Variants in LRRTM4 observed in about 807,000 individuals in gnomAD.
The protein encoded by LRRTM4 is leucine-rich repeat transmembrane neuronal protein 4.
Under a neutral mutation model 47.6 loss-of-function variants are expected in LRRTM4, and 25 were observed. The ratio of observed to expected loss-of-function variants is 0.53; its 90% CI spans 0.38 to 0.73. LRRTM4 has a LOEUF of 0.73. Among genes scored for constraint, LRRTM4 ranks in the 30% least tolerant of loss-of-function variants. LRRTM4 has a pLI of 0.00. For missense variants in LRRTM4, 638 were observed against 713.4 expected (o/e 0.89, Z 1.20); for synonymous variants, 311 against 269.5 (o/e 1.15, Z -1.51).
At chr2:76,907,430 G>C (rs1266279055) in intron 3 of LRRTM4, among the ~76,000 whole-genome samples, 4 of 149,674 alleles carry the variant, frequency 2.7e-5, no homozygotes, top group South Asian at 4.3e-4. Flanking sequence ...ACAATTAAAA[G>C]AACTAGAAAA....
At chr2:77,043,588 G>T in intron 3 of LRRTM4, among the ~76,000 whole-genome samples, 1 of 147,478 alleles carries the variant, frequency 6.8e-6, no homozygotes, top group South Asian at 2.1e-4. Flanking sequence ...CAAGAGAGAA[G>T]AGAGAGAAAG....
At chr2:76,837,062 C>T (rs978382804) in intron 3 of LRRTM4, among the ~76,000 whole-genome samples, 8 of 152,072 alleles carry the variant, frequency 5.3e-5, no homozygotes, top group African/African-American at 1.9e-4. Flanking sequence ...AATGGAAGAT[C>T]CTGTTATTGG....
intron 3 of LRRTM4, among the ~76,000 whole-genome samples, chr2:76,870,653 G>A (rs547903131): frequency 6.6e-6 from 1 of 152,092 alleles, no homozygotes; most frequent in African/African-American, 2.4e-5. Context: ...CTCTTCCCCT[G>A]CACATGTCAA....
At chr2:77,437,024 G>A (rs1675628115) in intron 3 of LRRTM4, among the ~76,000 whole-genome samples, 1 of 151,872 alleles carries the variant, frequency 6.6e-6, no homozygotes, top group Admixed American at 6.6e-5. Context: ...TTTGTAGGAT[G>A]AGAAAGAAAA....
At chr2:77,154,189 C>G (rs976981586) in intron 3 of LRRTM4, among the ~76,000 whole-genome samples, 3 of 152,158 alleles carry the variant, frequency 2.0e-5, no homozygotes, top group Non-Finnish European at 4.4e-5. Flanking sequence ...CATTTAGCTT[C>G]TTCTCTTTCT....
intron 3 of LRRTM4, among the ~76,000 whole-genome samples, chr2:77,067,898 A>G (rs1680014278): frequency 1.3e-5 from 2 of 152,130 alleles, no homozygotes. Context: ...CTTGATGACC[A>G]TCAAAAAAAG....
intron 3 of LRRTM4, among the ~76,000 whole-genome samples, chr2:76,941,227 A>T (rs1160376216): frequency 6.6e-6 from 1 of 152,222 alleles, no homozygotes; most frequent in Non-Finnish European, 1.5e-5. Flanking sequence ...CATTAGCAGG[A>T]TGCACACATA....
At chr2:76,891,552 T>G (rs922914285) in intron 3 of LRRTM4, among the ~76,000 whole-genome samples, 15 of 151,506 alleles carry the variant, frequency 9.9e-5, no homozygotes, top group African/African-American at 3.6e-4. Flanking sequence ...AGTTTAAAAT[T>G]TATACAAAAA....
intron 3 of LRRTM4, among the ~76,000 whole-genome samples, chr2:77,486,066 C>T (rs1207749670): frequency 2.0e-5 from 3 of 152,112 alleles, no homozygotes; most frequent in African/African-American, 7.2e-5. Context: ...CTCTAGCATG[C>T]CTTCCAGGGA....
intron 3 of LRRTM4, among the ~76,000 whole-genome samples, chr2:77,196,314 T>C (rs1037832407): frequency 2.0e-5 from 3 of 152,210 alleles, no homozygotes; most frequent in African/African-American, 7.2e-5. Context: ...TTTATTCACG[T>C]TGAGTACATT....
intron 3 of LRRTM4, among the ~76,000 whole-genome samples, chr2:77,044,669 A>G (rs1224382136): frequency 6.6e-6 from 1 of 151,682 alleles, no homozygotes; most frequent in Non-Finnish European, 1.5e-5. Context: ...ACACACATAC[A>G]CATATACACA....
intron 3 of LRRTM4, among the ~76,000 whole-genome samples, chr2:77,091,339 C>A (rs987377047): frequency 4.3e-5 from 6 of 140,802 alleles, no homozygotes; most frequent in Non-Finnish European, 7.4e-5. Context: ...ACCTAATCAC[C>A]CTTACCCCAC....
At chr2:76,936,985 A>AAAAAAAAAAAAAT (rs1674974945) in intron 3 of LRRTM4, among the ~76,000 whole-genome samples, 1 of 143,638 alleles carries the variant, frequency 7.0e-6, no homozygotes, top group Non-Finnish European at 1.5e-5. Context: ...AAAAAAAAAA[A>AAAAAAAAAAAAAT]GAGCACATAA....
At chr2:77,404,793 A>G (rs551673342) in intron 3 of LRRTM4, among the ~76,000 whole-genome samples, 6 of 152,264 alleles carry the variant, frequency 3.9e-5, no homozygotes, top group Non-Finnish European at 5.9e-5. Context: ...TGATCCGCCT[A>G]TATCACAGGA....
intron 3 of LRRTM4, among the ~76,000 whole-genome samples, chr2:77,426,759 T>C (rs1022761043): frequency 4.6e-5 from 7 of 151,908 alleles, no homozygotes; most frequent in African/African-American, 1.7e-4. Context: ...TTTCTCTCTC[T>C]CCATGTGTAT....
At chr2:76,810,801 T>C (rs886589581) in intron 3 of LRRTM4, among the ~76,000 whole-genome samples, 8 of 152,284 alleles carry the variant, frequency 5.3e-5, no homozygotes, top group Admixed American at 3.9e-4. Flanking sequence ...AATAAAAGCA[T>C]GGAGATTACC....
chr2:77,516,653 C>A (rs530298487), intron 3 of LRRTM4: 10 of 981,544 alleles, frequency 1.0e-5, no homozygotes, highest in African/African-American at 8.7e-5. Context: ...AAACATCAAG[C>A]CTTGTTAGAC....
At chr2:77,188,528 C>G (rs1225870309) in intron 3 of LRRTM4, among the ~76,000 whole-genome samples, 1 of 152,094 alleles carries the variant, frequency 6.6e-6, no homozygotes, top group Non-Finnish European at 1.5e-5. Context: ...TCTGTTGCAG[C>G]CGACATTTCT....
chr2:77,174,664 A>C (rs539835556), intron 3 of LRRTM4, among the ~76,000 whole-genome samples: 4 of 149,790 alleles, frequency 2.7e-5, no homozygotes, highest in African/African-American at 1.0e-4. Context: ...TTTTTTTTAT[A>C]CTTTAAGTTT....
Sources: gnomAD v4.1 joint callset for allele counts (sites outside exome capture counted in the v4.1 genomes callset) on GRCh38, gnomAD v4.1.1 for gene constraint, MANE v1.5 for transcripts, NCBI Gene and HGNC (gene_info 2026-07-23, HGNC 2026-07-21) for gene names.